Variants in CNTN5 observed in about 807,000 individuals in gnomAD.
CNTN5 encodes contactin 5.
A neutral mutation model predicts 129.1 loss-of-function variants in CNTN5; 77 were observed. The ratio of observed to expected loss-of-function variants is 0.60; its 90% CI spans 0.50 to 0.72. The LOEUF is 0.72. CNTN5 is among the 30% of genes least tolerant of loss of function. The pLI is 0.00. For synonymous variants in CNTN5, 509 were observed against 465.6 expected (o/e 1.09, Z -1.20); for missense variants, 1,478 against 1,328.8 (o/e 1.11, Z -1.75).
chr11:99,040,940 A>C (rs1863962211), intron 1 of CNTN5, among the ~76,000 whole-genome samples: 2 of 152,160 alleles, frequency 1.3e-5, no homozygotes, highest in Non-Finnish European at 2.9e-5. Context: ...TGCAAAGTGT[A>C]ATTAATGCCA....
At chr11:99,772,834 C>T (rs955207165) in intron 3 of CNTN5, among the ~76,000 whole-genome samples, 2 of 152,030 alleles carry the variant, frequency 1.3e-5, no homozygotes, top group African/African-American at 4.8e-5. Context: ...GGCACACATA[C>T]ACACACCCAC....
At chr11:99,031,576 A>G (rs1863375574) in intron 1 of CNTN5, among the ~76,000 whole-genome samples, 1 of 151,970 alleles carries the variant, frequency 6.6e-6, no homozygotes, top group Non-Finnish European at 1.5e-5. Flanking sequence ...ATAGAAAGCA[A>G]TTTTGTACTG....
chr11:99,256,854 C>G (rs1862398640), intron 1 of CNTN5, among the ~76,000 whole-genome samples: 1 of 152,048 alleles, frequency 6.6e-6, no homozygotes, highest in Non-Finnish European at 1.5e-5. Context: ...ACCCTACAAT[C>G]ACACATGAAC....
At position 99,819,751 on chromosome 11, in the gene CNTN5, C is replaced by G. The variant is rs1233164529; in HGVS notation, c.263C>G (p.Ala88Gly). 4 of 1,575,876 alleles carry G rather than the reference C, an allele frequency of 2.5e-6. No homozygotes were observed. The highest frequency in any genetic ancestry group is 1.1e-5 in the South Asian group (1 of 88,032). ...ATCAATCTTTATCATTCCTCAGATGCCTTCAAACAAGATGGTAAGTGTCAA... is the reference window on the plus strand; with the variant it reads ...ATCAATCTTTATCATTCCTCAGATGGCTTCAAACAAGATGGTAAGTGTCAA... ...SPINLYHSSD[A>G]FKQDESVDYG... The change falls in exon 4 of 25, where the codon GCC becomes GGC. Residue 88 changes from alanine (A) to glycine (G), a missense_variant. Coordinates refer to ENST00000524871, the MANE Select transcript of CNTN5 (RefSeq NM_014361.4).
intron 9 of CNTN5, among the ~76,000 whole-genome samples, chr11:100,057,123 T>G (rs1943266295): frequency 6.6e-6 from 1 of 150,380 alleles, no homozygotes; most frequent in African/African-American, 2.4e-5. Flanking sequence ...ATGATTTTAT[T>G]ATTAATCATG....
chr11:99,412,040 G>A (rs1942419060), intron 2 of CNTN5, among the ~76,000 whole-genome samples: 1 of 152,008 alleles, frequency 6.6e-6, no homozygotes, highest in African/African-American at 2.4e-5. Context: ...TAAAGAAATG[G>A]GGAAATGAAG....
At chr11:99,847,533 ACAT>A (rs2135709432) in intron 6 of CNTN5, among the ~76,000 whole-genome samples, 1 of 152,302 alleles carries the variant, frequency 6.6e-6, no homozygotes, top group African/African-American at 2.4e-5. Context: ...GTCATTGGCT[ACAT>A]ACGCATAAAA....
intron 9 of CNTN5, among the ~76,000 whole-genome samples, chr11:100,008,928 A>G (rs1306462574): frequency 6.6e-6 from 1 of 152,094 alleles, no homozygotes; most frequent in African/African-American, 2.4e-5. Flanking sequence ...CCTTTTTATG[A>G]TCTGTCCTTA....
intron 8 of CNTN5, among the ~76,000 whole-genome samples, chr11:99,986,430 C>A (rs1307330014): frequency 2.0e-5 from 3 of 152,144 alleles, no homozygotes; most frequent in African/African-American, 7.2e-5. Flanking sequence ...ATGTCTTTAT[C>A]TGTATGACTG....
chr11:99,329,689 G>C (rs1379394722), intron 2 of CNTN5, among the ~76,000 whole-genome samples: 1 of 152,068 alleles, frequency 6.6e-6, no homozygotes, highest in Non-Finnish European at 1.5e-5. Context: ...TGAGTGTATT[G>C]AGGCAATTCT....
At chr11:100,340,134 A>G (rs1230817314) in intron 21 of CNTN5, among the ~76,000 whole-genome samples, 3 of 152,202 alleles carry the variant, frequency 2.0e-5, no homozygotes, top group South Asian at 2.1e-4. Flanking sequence ...CTGATGACCT[A>G]TGAGAGAAAA....
At chr11:100,197,758 G>A (rs1168283139) in intron 15 of CNTN5, among the ~76,000 whole-genome samples, 2 of 151,948 alleles carry the variant, frequency 1.3e-5, no homozygotes, top group African/African-American at 2.4e-5. Flanking sequence ...TGAATATCAT[G>A]GTGGCCTGCA....
At chr11:99,738,137 G>A (rs1235768453) in intron 3 of CNTN5, among the ~76,000 whole-genome samples, 6 of 152,244 alleles carry the variant, frequency 3.9e-5, no homozygotes, top group African/African-American at 7.2e-5. Context: ...CAAATCATAT[G>A]TTGACATCTT....
chr11:99,682,719 T>C (rs1434328260), intron 3 of CNTN5, among the ~76,000 whole-genome samples: 1 of 151,844 alleles, frequency 6.6e-6, no homozygotes, highest in Non-Finnish European at 1.5e-5. Context: ...CCATCTAAAA[T>C]ACAGTCATTC....
intron 1 of CNTN5, among the ~76,000 whole-genome samples, chr11:99,145,361 C>T (rs866782204): frequency 9.8e-4 from 120 of 121,926 alleles, no homozygotes; most frequent in African/African-American, 3.8e-3. Flanking sequence ...TGAGCTACCA[C>T]GCCCAACCAG....
chr11:99,948,288 A>G (rs568711928), intron 7 of CNTN5, among the ~76,000 whole-genome samples: 1 of 152,356 alleles, frequency 6.6e-6, no homozygotes, highest in South Asian at 2.1e-4. Flanking sequence ...AAGCTTTTAC[A>G]TTTATGAACA....
intron 2 of CNTN5, among the ~76,000 whole-genome samples, chr11:99,480,909 C>A (rs1021523016): frequency 6.6e-6 from 1 of 152,180 alleles, no homozygotes; most frequent in Non-Finnish European, 1.5e-5. Context: ...GGATGGTTTT[C>A]GATTCAATGA....
chr11:99,412,650 A>C (rs894964436), intron 2 of CNTN5, among the ~76,000 whole-genome samples: 1 of 152,190 alleles, frequency 6.6e-6, no homozygotes, highest in African/African-American at 2.4e-5. Flanking sequence ...TTTCACAGAG[A>C]AGGAAACAGC....
intron 1 of CNTN5, among the ~76,000 whole-genome samples, chr11:99,274,585 T>C (rs1863334660): frequency 6.6e-6 from 1 of 151,556 alleles, no homozygotes; most frequent in African/African-American, 2.4e-5. Context: ...CTTTTTATGC[T>C]TTCATAACAG....
Sources: allele counts gnomAD v4.1 joint callset (sites outside exome capture counted in the v4.1 genomes callset), GRCh38; gene constraint gnomAD v4.1.1; transcripts MANE v1.5; gene names NCBI Gene and HGNC (gene_info 2026-07-23, HGNC 2026-07-21).